The following PYCR1 variants were observed in gnomAD, a reference collection of about 807,000 sequenced individuals.
The protein encoded by PYCR1 is pyrroline-5-carboxylate reductase 1, mitochondrial.
PYCR1 carries 19 observed loss-of-function variants against 22.9 expected under a neutral mutation model. That is an observed-to-expected ratio of 0.83 (90% CI 0.58 to 1.22). The LOEUF (loss-of-function observed/expected upper bound fraction) is 1.22, where lower values mean the gene tolerates loss of function less well. Ranked by LOEUF, PYCR1 falls within the 50% of genes most tolerant of loss-of-function variation. PYCR1 has a pLI of 0.00. For synonymous variants in PYCR1, 175 were observed against 180.5 expected, an observed-to-expected ratio of 0.97 and a Z score of 0.24; for missense variants, 429 against 431.3, an observed-to-expected ratio of 0.99 and a Z score of 0.05.
In PYCR1 at chr17:81,932,806, A is replaced by C; in HGVS notation, c.*408T>G. On this transcript the variant is annotated 3_prime_UTR_variant, in exon 7 of 7. Transcript: ENST00000329875. Reference sequence around the variant, plus strand: ...AGAGGTTTCTCCCTGAATGGAGGGCAGGGAGGGGCCGGGAGGGGGCGTGGG... The same window carrying C: ...AGAGGTTTCTCCCTGAATGGAGGGCCGGGAGGGGCCGGGAGGGGGCGTGGG... The C allele has an allele frequency of 6.5e-7, 1 of 1,534,810 alleles. No homozygotes were observed.
At chr17:81,935,573 A>T in intron 2 of PYCR1, 57 bp from the exon 3 acceptor site, 1 of 1,306,538 alleles carries the variant, frequency 7.7e-7, no homozygotes, top group South Asian at 1.2e-5. Flanking sequence ...ACCCCCACCA[A>T]GCCAAGAGCC....
Position 81,936,994 on chromosome 17 carries a change from T to A in PYCR1, c.-180A>T. On this transcript the variant is annotated 5_prime_UTR_variant, in exon 1 of 7. Transcript: ENST00000329875. ...CTTTCCACTTTGCTGTCCGGCCCGT[T>A]AACTGCTTCGGGGCCCCCAGTCAGA... The A allele has an allele frequency of 6.8e-7, 1 of 1,474,328 alleles. No individual in the cohort carries two copies. The highest frequency in any genetic ancestry group is 1.3e-5 in the South Asian group (1 of 74,892). The allele number at this position is 1,474,328 out of a possible 1,614,324, so 91.3% of individuals were successfully genotyped here.
chr17:81,934,820 C>T (rs2041126168), intron 4 of PYCR1, 75 bp from the exon 5 acceptor site: 1 of 1,539,742 alleles, frequency 6.5e-7, no homozygotes, highest in Non-Finnish European at 8.8e-7. Context: ...CCAGTTCCCA[C>T]AGCCTTGGAG....
rs2041179455 is a variant in PYCR1, at chr17:81,936,064, C to T, written c.138+59G>A. Reference sequence around the variant, plus strand: ...GTGGGGGCTACAGCACACACTCCTGCCTCTCACACCCAGCCCCACAGGGAC... The same window carrying T: ...GTGGGGGCTACAGCACACACTCCTGTCTCTCACACCCAGCCCCACAGGGAC... On this transcript the variant is annotated intron_variant, in intron 2 of 6. Coordinates refer to ENST00000329875, the MANE Select transcript of PYCR1 (RefSeq NM_006907.4). The T allele has an allele frequency of 6.3e-6, 10 of 1,583,578 alleles. No homozygotes were observed. In the South Asian group the frequency reaches 7.7e-5, roughly 12 times the overall value.
rs867249696 is a variant in PYCR1 at position 81,935,596 on chromosome 17, T to C, written c.139-80A>G. On this transcript the variant is annotated intron_variant, in intron 2 of 6. Transcript: ENST00000329875. ...CAAGCCAAGAGCCCCACAGGTAGAATGGCACAGAGAATGCTGGAGTTGGGG... is the reference window on the plus strand; with the variant it reads ...CAAGCCAAGAGCCCCACAGGTAGAACGGCACAGAGAATGCTGGAGTTGGGG... 1.3e-5 allele frequency: 11 copies of C among 874,402 alleles called. No individual in the cohort carries two copies. In the Middle Eastern group the frequency reaches 1.6e-3, roughly 124 times the overall value. 54.2% of individuals were successfully genotyped at this position (874,402 alleles called of 1,614,324 possible). A position where few individuals can be genotyped will look rare whatever the true frequency, so the allele number is the denominator to read the frequency against.
chr17:81,933,531 C>T (rs1323281527), intron 6 of PYCR1, among the ~76,000 whole-genome samples, 155 bp from the exon 7 acceptor site: 2 of 152,196 alleles, frequency 1.3e-5, no homozygotes, highest in East Asian at 1.9e-4. Flanking sequence ...CGCCCCCACA[C>T]AGCTGCTGGG....
Position 81,932,614 on chromosome 17 carries a change from G to A in PYCR1, c.*600C>T, listed in dbSNP as rs1367447094. The stretch of plus-strand genomic sequence containing the variant: ...GGACAGAACTGATAGCACCCTCCCA[G>A]GGAGGTCAGGAGCAGGAGGTGGTGG... On this transcript the variant is annotated 3_prime_UTR_variant, in exon 7 of 7. Coordinates refer to ENST00000329875, the MANE Select transcript of PYCR1 (RefSeq NM_006907.4). 7.5e-6 allele frequency: 4 copies of A among 532,272 alleles called. No homozygotes were observed. Among genetic ancestry groups the A allele is most frequent in the Non-Finnish European group, 1.0e-5 (3 of 294,712 alleles). The allele number at this position is 532,272 out of a possible 1,614,324, so 33.0% of individuals were successfully genotyped here. A position where few individuals can be genotyped will look rare whatever the true frequency, so the allele number is the denominator to read the frequency against.
rs985824020 is a variant in PYCR1 at position 81,935,227 on chromosome 17, T to G, written c.319-80A>C. The G allele has an allele frequency of 1.4e-5, 22 of 1,566,422 alleles. No homozygotes were observed. In the Admixed American group the frequency reaches 3.9e-4, roughly 28 times the overall value. ...TCACCCCACCAAGCAGTGCCCGAGC[T>G]CTCCCAGTGGGCCGGGACGCTGCAA... On this transcript the variant is annotated intron_variant, in intron 3 of 6. Coordinates refer to ENST00000329875, the MANE Select transcript of PYCR1 (RefSeq NM_006907.4).
In PYCR1 at chr17:81,933,036, C is replaced by T. The variant is rs2041032144; in HGVS notation, c.*178G>A. On this transcript the variant is annotated 3_prime_UTR_variant, in exon 7 of 7. Transcript: ENST00000329875. ...TCCACCCCTGTTCTGGGCTGGGAAG[C>T]ACTTGCAGACCACAGAGATTTCCAG... The T allele has an allele frequency of 6.3e-7, 1 of 1,578,014 alleles. No homozygotes were observed. The highest frequency in any genetic ancestry group is 8.6e-7 in the Non-Finnish European group (1 of 1,166,100).
rs534091705 is a variant in PYCR1 at position 81,937,156 on chromosome 17, C to G, written c.-342G>C. The G allele has an allele frequency of 3.3e-5, 47 of 1,438,644 alleles. No homozygotes were observed. The South Asian group carries it at 6.0e-4, about 18-fold the overall frequency. The allele number at this position is 1,438,644 out of a possible 1,614,324, so 89.1% of individuals were successfully genotyped here. On this transcript the variant is annotated 5_prime_UTR_variant, in exon 1 of 7. Transcript: ENST00000329875. ...GCCTAGGGGTCCCCCGTCTGGGTTC[C>G]CACCCCGCCCAGAACTGGGCTACCG...
rs1007616548 is a variant in PYCR1 at position 81,935,532 on chromosome 17, G to A, written c.139-16C>T. Reference sequence around the variant, plus strand: ...CCCCCATCTTCTGCAGGGGCAACAGGTGGGCTCAGCCTGGTCCCGTGGCTG... The same window carrying A: ...CCCCCATCTTCTGCAGGGGCAACAGATGGGCTCAGCCTGGTCCCGTGGCTG... On this transcript the variant is annotated splice_polypyrimidine_tract_variant and intron_variant, in intron 2 of 6. Coordinates refer to ENST00000329875, the MANE Select transcript of PYCR1 (RefSeq NM_006907.4). The A allele has an allele frequency of 1.3e-6, 2 of 1,597,384 alleles. No homozygotes were observed. The highest frequency in any genetic ancestry group is 1.7e-5 in the Admixed American group (1 of 57,716).
rs1027031464 is a variant in PYCR1, at chr17:81,932,760, G to A, written c.*454C>T. Reference sequence around the variant, plus strand: ...TGGACTTGGGATGCCTGGACCCTCTGGCCCTTCTCACACGGGAAGGAGAGG... The same window carrying A: ...TGGACTTGGGATGCCTGGACCCTCTAGCCCTTCTCACACGGGAAGGAGAGG... On this transcript the variant is annotated 3_prime_UTR_variant, in exon 7 of 7. Transcript: ENST00000329875. 2.4e-5 allele frequency: 34 copies of A among 1,389,076 alleles called. No homozygotes were observed. Among genetic ancestry groups the A allele is most frequent in the Non-Finnish European group, 3.1e-5 (32 of 1,016,058 alleles). 86.0% of individuals were successfully genotyped at this position (1,389,076 alleles called of 1,614,324 possible). A position where few individuals can be genotyped will look rare whatever the true frequency, so the allele number is the denominator to read the frequency against.
rs2143867233 is a variant in PYCR1, at chr17:81,934,413, G to A, written c.710C>T (p.Ala237Val). The part of the protein sequence containing the change: ...LKDNVSSPGG[A>V]TIHALHVLES... ...CAGCACATGCAAGGCATGGATGGTG[G>A]CCCCACCAGGAGAGCTGACGTTGTC... The change falls in exon 6 of 7, where the codon GCC (alanine) becomes GTC (valine). Residue 237 changes from alanine to valine, a missense_variant. Transcript: ENST00000329875. The A allele has an allele frequency of 1.2e-6, 2 of 1,611,944 alleles. No homozygotes were observed. The highest frequency in any genetic ancestry group is 2.2e-5 in the East Asian group (1 of 44,828).
intron 6 of PYCR1, among the ~76,000 whole-genome samples, 183 bp from the exon 7 acceptor site, chr17:81,933,559 C>T (rs1226332893): frequency 1.3e-5 from 2 of 152,182 alleles, no homozygotes; most frequent in African/African-American, 4.8e-5. Context: ...TCACCTCATT[C>T]GAATCAGCTC....
Position 81,937,234 on chromosome 17 carries a change from C to T in PYCR1, c.-420G>A. The T allele has an allele frequency of 1.4e-6, 2 of 1,442,986 alleles. No individual in the cohort carries two copies. Among genetic ancestry groups the T allele is most frequent in the Non-Finnish European group, 1.8e-6 (2 of 1,101,050 alleles). 89.4% of individuals were successfully genotyped at this position (1,442,986 alleles called of 1,614,324 possible). ...ACCATTCCCGGAGCCCGACCCCAAC[C>T]CAGCTACCGTGCGCGGGTCGTACCC... On this transcript the variant is annotated 5_prime_UTR_variant, in exon 1 of 7. Transcript: ENST00000329875.
chr17:81,936,299 C>G (rs2041190298), intron 1 of PYCR1, 106 bp from the exon 2 acceptor site: 10 of 1,103,196 alleles, frequency 9.1e-6, no homozygotes, highest in Non-Finnish European at 1.3e-5. Context: ...AATCTCGGCT[C>G]ACTGCAAGCT....
At position 81,935,354 on chromosome 17, in the gene PYCR1, T is replaced by TGG; in HGVS notation, c.299_300dup (p.Ile101ProfsTer22). 1 of 1,612,448 alleles carries TGG rather than the reference T, an allele frequency of 6.2e-7. No individual in the cohort carries two copies. Among genetic ancestry groups the TGG allele is most frequent in the Non-Finnish European group, 8.5e-7 (1 of 1,180,002 alleles). ...GGTGCTACCTTCTCAATGGAGCTGA[T>TGG]GGTGACGCCGGCCGCGCAGGACACC... is the stretch of plus-strand genomic sequence containing the variant. On this transcript the variant is annotated frameshift_variant, in exon 3 of 7. Transcript: ENST00000329875. LOFTEE classifies it high-confidence loss of function.
chr17:81,934,627 A>G, intron 5 of PYCR1, 26 bp downstream of exon 5: 1 of 1,553,266 alleles, frequency 6.4e-7, no homozygotes, highest in Non-Finnish European at 8.7e-7. Flanking sequence ...GAGTGGCCCC[A>G]CCAGAGGGTC....
Position 81,936,923 on chromosome 17 carries a change from C to T in PYCR1, c.-109G>A, listed in dbSNP as rs1488079782. 2 of 1,536,052 alleles carry T rather than the reference C, an allele frequency of 1.3e-6. No individual in the cohort carries two copies. Among genetic ancestry groups the T allele is most frequent in the African/African-American group, 1.4e-5 (1 of 73,050 alleles). On this transcript the variant is annotated 5_prime_UTR_variant, in exon 1 of 7. Transcript: ENST00000329875. Reference sequence around the variant, plus strand: ...GGGGGGCAGTGCCAGCCTGGCCGCTCCTCCCGCAGCCGGGTGCCCACCTCC... The same window carrying T: ...GGGGGGCAGTGCCAGCCTGGCCGCTTCTCCCGCAGCCGGGTGCCCACCTCC...
Sources: gnomAD v4.1 joint callset for allele counts (sites outside exome capture counted in the v4.1 genomes callset) on GRCh38, gnomAD v4.1.1 for gene constraint, MANE v1.5 for transcripts, NCBI Gene and HGNC (gene_info 2026-07-23, HGNC 2026-07-21) for gene names.